Variants in COL25A1 observed in about 807,000 individuals in gnomAD.
COL25A1 encodes the protein collagen alpha-1(XXV) chain.
In COL25A1, 103 loss-of-function variants were observed where a neutral mutation model predicts 128.4. The ratio of observed to expected loss-of-function variants is 0.80; its 90% CI spans 0.68 to 0.94. The LOEUF (loss-of-function observed/expected upper bound fraction) is 0.94, where lower values mean the gene tolerates loss of function less well. Ranked by LOEUF, COL25A1 falls within the 40% of genes least tolerant of loss-of-function variation. The pLI is 0.00. For synonymous variants in COL25A1, 279 were observed against 277.2 expected (o/e 1.01, Z -0.06); for missense variants, 745 against 840.0 (o/e 0.89, Z 1.40).
intron 8 of COL25A1, among the ~76,000 whole-genome samples, chr4:108,967,839 C>T (rs1304670843): frequency 6.6e-6 from 1 of 152,136 alleles, no homozygotes; most frequent in Non-Finnish European, 1.5e-5. Flanking sequence ...TTCCTTTCAG[C>T]AGGTTGTGTA....
intron 3 of COL25A1, among the ~76,000 whole-genome samples, chr4:109,243,203 G>A (rs1780022031): frequency 6.6e-6 from 1 of 151,960 alleles, no homozygotes. Context: ...ATGTGGGATG[G>A]GAGAGCAAAT....
chr4:109,019,925 C>T (rs1441263035), intron 5 of COL25A1, among the ~76,000 whole-genome samples: 1 of 152,080 alleles, frequency 6.6e-6, no homozygotes, highest in East Asian at 1.9e-4. Context: ...TCTCCATATC[C>T]AATTAACTTG....
chr4:108,860,868 T>G, intron 23 of COL25A1, 59 bp downstream of exon 23: 1 of 1,382,098 alleles, frequency 7.2e-7, no homozygotes, highest in Non-Finnish European at 1.0e-6. Context: ...CATGCAGACA[T>G]GAATTCAAAT....
intron 11 of COL25A1, among the ~76,000 whole-genome samples, chr4:108,925,523 A>T (rs1385367206): frequency 6.6e-6 from 1 of 152,186 alleles, no homozygotes; most frequent in African/African-American, 2.4e-5. Flanking sequence ...GCTATCAGTG[A>T]GTAAGTAGGA....
chr4:108,875,338 C>T (rs1739313575), intron 19 of COL25A1, among the ~76,000 whole-genome samples: 2 of 152,160 alleles, frequency 1.3e-5, no homozygotes, highest in South Asian at 4.1e-4. Context: ...TATGCAGAAT[C>T]TACAAAGAAC....
intron 8 of COL25A1, among the ~76,000 whole-genome samples, chr4:108,954,419 T>C (rs1222091180): frequency 6.6e-6 from 1 of 152,130 alleles, no homozygotes; most frequent in Non-Finnish European, 1.5e-5. Flanking sequence ...GTGATATTTA[T>C]TCGCACATAT....
intron 3 of COL25A1, among the ~76,000 whole-genome samples, chr4:109,127,857 G>GT (rs1241617224): frequency 2.0e-5 from 3 of 152,118 alleles, no homozygotes; most frequent in Non-Finnish European, 4.4e-5. Context: ...CACAGTTAAT[G>GT]TATCATTCAG....
chr4:108,817,719 A>C lies in COL25A1; in HGVS notation c.1924-284T>G, dbSNP rs539351660. 3.9e-5 allele frequency among the ~76,000 whole-genome samples: 6 copies of C among 152,340 alleles called. No homozygotes were observed. In the South Asian group the frequency reaches 1.2e-3, roughly 32 times the overall value. On this transcript the variant is annotated intron_variant, in intron 36 of 37. Coordinates refer to ENST00000399132, the MANE Select transcript of COL25A1 (RefSeq NM_198721.4). ...ATTTACAAAGCATAGTGCTCTATTCATATCTATATTTTTAGATAATAAATC... is the reference window on the plus strand; with the variant it reads ...ATTTACAAAGCATAGTGCTCTATTCCTATCTATATTTTTAGATAATAAATC...
intron 3 of COL25A1, among the ~76,000 whole-genome samples, chr4:109,296,906 G>A (rs549615355): frequency 6.6e-6 from 1 of 152,096 alleles, no homozygotes; most frequent in Admixed American, 6.5e-5. Context: ...AGATATGCCT[G>A]GTTTATGCAT....
At chr4:108,981,026 C>T (rs1388512890) in intron 6 of COL25A1, among the ~76,000 whole-genome samples, 3 of 152,160 alleles carry the variant, frequency 2.0e-5, no homozygotes, top group Non-Finnish European at 4.4e-5. Flanking sequence ...ACTCATAGTG[C>T]CAATGACACA....
intron 3 of COL25A1, among the ~76,000 whole-genome samples, chr4:109,077,874 C>A (rs890645370): frequency 1.3e-5 from 2 of 152,190 alleles, no homozygotes; most frequent in African/African-American, 4.8e-5. Flanking sequence ...CTACTCGCTG[C>A]TTTTTGGGTG....
intron 3 of COL25A1, among the ~76,000 whole-genome samples, chr4:109,184,045 C>A (rs1406350177): frequency 6.6e-6 from 1 of 151,642 alleles, no homozygotes; most frequent in Non-Finnish European, 1.5e-5. Flanking sequence ...TTGGAGAATA[C>A]AATGTTGTTA....
intron 3 of COL25A1, among the ~76,000 whole-genome samples, chr4:109,071,831 C>T (rs1326709514): frequency 6.6e-6 from 1 of 152,168 alleles, no homozygotes; most frequent in Non-Finnish European, 1.5e-5. Flanking sequence ...GAAATAGGAA[C>T]ACTTTTACAC....
chr4:109,030,834 C>T (rs2125914866), intron 5 of COL25A1, among the ~76,000 whole-genome samples: 1 of 151,976 alleles, frequency 6.6e-6, no homozygotes, highest in African/African-American at 2.4e-5. Flanking sequence ...CTCACTGCAA[C>T]CTCCATCTCC....
intron 5 of COL25A1, among the ~76,000 whole-genome samples, chr4:109,040,168 CA>C (rs1156877871): frequency 6.6e-6 from 1 of 152,110 alleles, no homozygotes; most frequent in African/African-American, 2.4e-5. Flanking sequence ...TCCACCAAAA[CA>C]GAAACAAAAA....
chr4:109,158,137 T>A (rs1338629509), intron 3 of COL25A1, among the ~76,000 whole-genome samples: 1 of 152,232 alleles, frequency 6.6e-6, no homozygotes, highest in African/African-American at 2.4e-5. Context: ...TATTCTACTT[T>A]AAATGCTTTG....
chr4:108,937,954 C>T (rs1011958284), intron 10 of COL25A1, 111 bp from the exon 11 acceptor site: 3 of 799,814 alleles, frequency 3.8e-6, no homozygotes, highest in African/African-American at 3.5e-5. Flanking sequence ...TATATTTCTT[C>T]AGGTTAAATA....
intron 8 of COL25A1, among the ~76,000 whole-genome samples, chr4:108,941,701 A>G (rs1029884675): frequency 6.6e-6 from 1 of 152,094 alleles, no homozygotes; most frequent in Admixed American, 6.6e-5. Flanking sequence ...TGGATGTTGG[A>G]CCTTTTTAAT....
intron 31 of COL25A1, among the ~76,000 whole-genome samples, chr4:108,835,861 C>CTTTTTTTTTTTTTTTT (rs1158184110): frequency 6.1e-4 from 28 of 45,720 alleles, no homozygotes; most frequent in East Asian, 1.5e-3. Context: ...TTACATACGT[C>CTTTTTTTTTTTTTTTT]TTTTTTTTTT....
Sources: allele counts gnomAD v4.1 joint callset (sites outside exome capture counted in the v4.1 genomes callset), GRCh38; gene constraint gnomAD v4.1.1; transcripts MANE v1.5; gene names NCBI Gene and HGNC (gene_info 2026-07-23, HGNC 2026-07-21).